CDH13: variants seen among roughly 807,000 people sequenced by gnomAD.
The protein encoded by CDH13 is cadherin-13.
CDH13 carries 24 observed loss-of-function variants against 63.8 expected under a neutral mutation model. That is an observed-to-expected ratio of 0.38 (90% confidence interval 0.27 to 0.53). CDH13 has a LOEUF of 0.53. Ranked by LOEUF, CDH13 falls within the 20% of genes least tolerant of loss-of-function variation. CDH13 has a pLI of 0.85. For synonymous variants in CDH13, 503 were observed against 355.3 expected (o/e 1.42, Z -4.67); for missense variants, 1,049 against 903.1 (o/e 1.16, Z -2.07).
chr16:83,547,765 G>C (rs185230571), intron 7 of CDH13, among the ~76,000 whole-genome samples: 1 of 152,126 alleles, frequency 6.6e-6, no homozygotes. Flanking sequence ...GAACATATGC[G>C]TGCATGGGTC....
chr16:83,481,647 C>A (rs2073768001), intron 6 of CDH13, among the ~76,000 whole-genome samples: 1 of 152,132 alleles, frequency 6.6e-6, no homozygotes, highest in East Asian at 1.9e-4. Context: ...AAATGACGGC[C>A]CAACTTGAGA....
chr16:83,323,112 C>G (rs1340543045), intron 5 of CDH13, among the ~76,000 whole-genome samples: 1 of 151,934 alleles, frequency 6.6e-6, no homozygotes, highest in Non-Finnish European at 1.5e-5. Flanking sequence ...ATCAGCTACA[C>G]CTGTGGCAGA....
Position 82,985,468 on chromosome 16 carries a change from A to G in CDH13, c.158-46542A>G, listed in dbSNP as rs187609861. 1.2e-3 allele frequency among the ~76,000 whole-genome samples: 183 copies of G among 152,276 alleles called. 1 individual carries two copies. The highest frequency in any genetic ancestry group is 3.1e-3 in the Admixed American group (47 of 15,292). On this transcript the variant is annotated intron_variant, in intron 2 of 13. Coordinates refer to ENST00000567109, the MANE Select transcript of CDH13 (RefSeq NM_001257.5). ...GGTAATAAATGGTGCTTTGATGACAACTGTATTCATTAGACATATTTGTGG... is the reference window on the plus strand; with the variant it reads ...GGTAATAAATGGTGCTTTGATGACAGCTGTATTCATTAGACATATTTGTGG...
Position 83,311,673 on chromosome 16 carries a change from C to T in CDH13, c.637-33189C>T, listed in dbSNP as rs565353765. On this transcript the variant is annotated intron_variant, in intron 5 of 13. Transcript: ENST00000567109. Reference sequence around the variant, plus strand: ...TCTGTACATAGCATAGGAGGTTGAACCCAATTAGTCTGACTCAAGGCTTGT... The same window carrying T: ...TCTGTACATAGCATAGGAGGTTGAATCCAATTAGTCTGACTCAAGGCTTGT... 1.2e-3 allele frequency among the ~76,000 whole-genome samples: 189 copies of T among 152,312 alleles called. 1 individual carries two copies. Among genetic ancestry groups the T allele is most frequent in the African/African-American group, 4.3e-3 (180 of 41,582 alleles).
intron 5 of CDH13, among the ~76,000 whole-genome samples, chr16:83,222,549 T>C (rs1334403136): frequency 6.6e-6 from 1 of 152,304 alleles, no homozygotes; most frequent in Non-Finnish European, 1.5e-5. Context: ...GAACAAATGA[T>C]GCACATATTA....
intron 7 of CDH13, among the ~76,000 whole-genome samples, chr16:83,602,107 C>CAAAAAAAAAAAAAA (rs869202510): frequency 5.0e-4 from 4 of 7,958 alleles, no homozygotes; most frequent in Non-Finnish European, 5.6e-4. Context: ...AGAACAACAA[C>CAAAAAAAAAAAAAA]AAAAAAAAAA....
intron 1 of CDH13, among the ~76,000 whole-genome samples, chr16:82,717,246 A>C (rs1005679143): frequency 2.6e-5 from 4 of 151,966 alleles, no homozygotes; most frequent in Non-Finnish European, 4.4e-5. Context: ...ATAAAAAATA[A>C]GGGTATGGTG....
Position 82,812,829 on chromosome 16 carries a change from C to T in CDH13, c.46-45533C>T, listed in dbSNP as rs1010408843. ...CTTCCTTTTTCCTTCCTTCCTTCCTCCCTTCCTTCCTCCCTTCTTTCCTCC... is the reference window on the plus strand; with the variant it reads ...CTTCCTTTTTCCTTCCTTCCTTCCTTCCTTCCTTCCTCCCTTCTTTCCTCC... On this transcript the variant is annotated intron_variant, in intron 1 of 13. Coordinates refer to ENST00000567109, the MANE Select transcript of CDH13 (RefSeq NM_001257.5). 3.8e-3 allele frequency among the ~76,000 whole-genome samples: 529 copies of T among 140,200 alleles called. 3 individuals are homozygous for T. The highest frequency in any genetic ancestry group is 0.014 in the African/African-American group (497 of 35,878). The allele number at this position is 140,200 out of a possible 152,430, so 92.0% of individuals were successfully genotyped here.
chr16:83,729,579 C>A (rs1294443997), intron 10 of CDH13, among the ~76,000 whole-genome samples: 1 of 152,222 alleles, frequency 6.6e-6, no homozygotes, highest in Non-Finnish European at 1.5e-5. Context: ...AACTCTATCA[C>A]TTACTAGCTG....
chr16:82,952,358 C>T (rs537966143), intron 2 of CDH13, among the ~76,000 whole-genome samples: 1 of 152,244 alleles, frequency 6.6e-6, no homozygotes, highest in East Asian at 1.9e-4. Context: ...TTTCTATATG[C>T]AAAGCTGAGA....
intron 5 of CDH13, among the ~76,000 whole-genome samples, chr16:83,260,736 C>A (rs1035515312): frequency 6.6e-6 from 1 of 152,158 alleles, no homozygotes; most frequent in Admixed American, 6.5e-5. Flanking sequence ...TGCCTCCTTT[C>A]TCCTTCAAGG....
At position 82,921,228 on chromosome 16, in the gene CDH13, C is replaced by T. The variant is rs571863580; in HGVS notation, c.157+62755C>T. Reference sequence around the variant, plus strand: ...GTTCTGGAGCCCAGAAGTCCAAAATCGGCATCAGTGGGTGGAATTAAGTGC... The same window carrying T: ...GTTCTGGAGCCCAGAAGTCCAAAATTGGCATCAGTGGGTGGAATTAAGTGC... On this transcript the variant is annotated intron_variant, in intron 2 of 13. Transcript: ENST00000567109. Among the ~76,000 whole-genome samples the T allele has an allele frequency of 3.3e-5, 5 of 152,214 alleles. No individual in the cohort carries two copies. The South Asian group carries it at 6.2e-4, about 19-fold the overall frequency.
chr16:82,907,056 A>G (rs1043845512), intron 2 of CDH13, among the ~76,000 whole-genome samples: 5 of 152,172 alleles, frequency 3.3e-5, no homozygotes, highest in African/African-American at 1.2e-4. Flanking sequence ...AACTGTCACT[A>G]AAATTTTCCT....
chr16:83,370,645 C>A (rs965719554), intron 6 of CDH13, among the ~76,000 whole-genome samples: 1 of 152,148 alleles, frequency 6.6e-6, no homozygotes, highest in Non-Finnish European at 1.5e-5. Flanking sequence ...TAGGTAGGCC[C>A]TGGTGACTGT....
chr16:82,920,329 C>G (rs1465663488), intron 2 of CDH13, among the ~76,000 whole-genome samples: 1 of 152,210 alleles, frequency 6.6e-6, no homozygotes, highest in Non-Finnish European at 1.5e-5. Flanking sequence ...GCTCCAGGCT[C>G]ACATCCATCC....
chr16:83,153,114 C>G (rs747214242), intron 4 of CDH13, among the ~76,000 whole-genome samples: 11 of 152,162 alleles, frequency 7.2e-5, no homozygotes, highest in Non-Finnish European at 1.0e-4. Flanking sequence ...GTGTGGGAGA[C>G]TGGAGTTTTA....
chr16:82,939,104 C>G (rs2042754229), intron 2 of CDH13, among the ~76,000 whole-genome samples: 1 of 152,114 alleles, frequency 6.6e-6, no homozygotes, highest in Admixed American at 6.6e-5. Flanking sequence ...AGCATCTCCT[C>G]TGGTGTGGAA....
At chr16:83,086,746 G>C (rs536780978) in intron 3 of CDH13, among the ~76,000 whole-genome samples, 276 of 152,248 alleles carry the variant, frequency 1.8e-3, no homozygotes, top group Middle Eastern at 0.01. Context: ...TTGCTGCTAA[G>C]AATGATGCAC....
At chr16:82,874,848 A>C (rs2040453724) in intron 2 of CDH13, among the ~76,000 whole-genome samples, 1 of 152,180 alleles carries the variant, frequency 6.6e-6, no homozygotes, top group Non-Finnish European at 1.5e-5. Context: ...AATTCTAGGT[A>C]CTGAAGAGGG....
Sources: allele counts gnomAD v4.1 joint callset (sites outside exome capture counted in the v4.1 genomes callset), GRCh38; gene constraint gnomAD v4.1.1; transcripts MANE v1.5; gene names NCBI Gene and HGNC (gene_info 2026-07-23, HGNC 2026-07-21).